MTHFD2L: variants seen among roughly 807,000 people sequenced by gnomAD.
MTHFD2L encodes the protein methylenetetrahydrofolate dehydrogenase (NADP+ dependent) 2 like.
Under a neutral mutation model 34.9 loss-of-function variants are expected in MTHFD2L, and 29 were observed. The observed-to-expected ratio is 0.83, with a 90% CI of 0.62 to 1.13. The LOEUF is 1.13. MTHFD2L is among the 50% of genes most tolerant of loss of function. MTHFD2L has a pLI of 0.00. For missense variants in MTHFD2L, 481 were observed against 446.5 expected (o/e 1.08, Z -0.70); for synonymous variants, 167 against 155.7 (o/e 1.07, Z -0.54).
intron 7 of MTHFD2L, among the ~76,000 whole-genome samples, chr4:74,299,957 T>C (rs1197381093): frequency 6.6e-6 from 1 of 152,056 alleles, no homozygotes; most frequent in Non-Finnish European, 1.5e-5. Context: ...TCATTGGCTT[T>C]CAGGAAATAA....
intron 1 of MTHFD2L, among the ~76,000 whole-genome samples, chr4:74,135,164 T>C (rs2109816754): frequency 6.6e-6 from 1 of 152,088 alleles, no homozygotes; most frequent in South Asian, 2.1e-4. Flanking sequence ...TATTTACTAA[T>C]CAAACTGTCA....
intron 6 of MTHFD2L, among the ~76,000 whole-genome samples, chr4:74,249,140 A>G (rs1201170649): frequency 2.0e-5 from 3 of 151,462 alleles, no homozygotes; most frequent in Non-Finnish European, 4.4e-5. Flanking sequence ...GTCACTCAGG[A>G]CTTGCTTTAT....
At position 74,218,618 on chromosome 4, in the gene MTHFD2L, C is replaced by T. The variant is rs549242735; in HGVS notation, c.713-6684C>T. On this transcript the variant is annotated intron_variant, in intron 5 of 7. Transcript: ENST00000325278. Reference sequence around the variant, plus strand: ...TCCTCATTAAGGTAATTTCAAGCCCCCCCCCCACCACCAAAAAAATGATAC... The same window carrying T: ...TCCTCATTAAGGTAATTTCAAGCCCTCCCCCCACCACCAAAAAAATGATAC... 5.0e-3 allele frequency among the ~76,000 whole-genome samples: 758 copies of T among 151,182 alleles called. 6 individuals are homozygous for T. Among genetic ancestry groups the T allele is most frequent in the East Asian group, 4.9e-3 (25 of 5,116 alleles).
At chr4:74,167,870 C>T (rs774923745) in intron 1 of MTHFD2L, among the ~76,000 whole-genome samples, 1 of 152,128 alleles carries the variant, frequency 6.6e-6, no homozygotes, top group Admixed American at 6.6e-5. Context: ...CCCAATTTCT[C>T]AGGTCAGAAA....
intron 6 of MTHFD2L, among the ~76,000 whole-genome samples, chr4:74,239,327 G>A (rs561725293): frequency 6.6e-6 from 1 of 152,058 alleles, no homozygotes; most frequent in African/African-American, 2.4e-5. Context: ...ACACCCCCAG[G>A]CCTGTCGTAG....
rs567082409 is a variant in MTHFD2L at position 74,158,150 on chromosome 4, G to C, written c.12G>C (p.Pro4=). 1.3e-6 allele frequency: 2 copies of C among 1,530,386 alleles called. No individual in the cohort carries two copies. The highest frequency in any genetic ancestry group is 1.4e-5 in the African/African-American group (1 of 72,758). 94.8% of individuals were successfully genotyped at this position (1,530,386 alleles called of 1,614,324 possible). The change falls in exon 1 of 8, where the codon CCG becomes CCC. Residue 4 remains proline (P), a synonymous_variant. Coordinates refer to ENST00000325278, the MANE Select transcript of MTHFD2L (RefSeq NM_001144978.3). Reference sequence around the variant, plus strand: ...GGGGATCCGCGGCCATGACGGTGCCGGTCCGCGGCTTCTCGCTGCTCCGCG... The same window carrying C: ...GGGGATCCGCGGCCATGACGGTGCCCGTCCGCGGCTTCTCGCTGCTCCGCG... MTV[P]VRGFSLLRGR... is the part of the protein sequence containing the mutation.
chr4:74,191,883 T>C (rs1732598578), intron 3 of MTHFD2L, among the ~76,000 whole-genome samples: 1 of 152,120 alleles, frequency 6.6e-6, no homozygotes, highest in Admixed American at 6.5e-5. Flanking sequence ...AGGAGGATGT[T>C]AGAGGATATG....
intron 7 of MTHFD2L, among the ~76,000 whole-genome samples, chr4:74,283,398 C>CTTA (rs560174894): frequency 1.7e-3 from 260 of 152,072 alleles, no homozygotes; most frequent in Non-Finnish European, 2.5e-3. Flanking sequence ...TGAAGTCTAA[C>CTTA]TTGTTAATGA....
chr4:74,186,961 T>A (rs522360), intron 3 of MTHFD2L, among the ~76,000 whole-genome samples: 151,172 of 152,280 alleles, frequency 0.99, 75,042 homozygotes, highest in Middle Eastern at 1. Flanking sequence ...AGATAGAAAA[T>A]CAGATCAATG....
chr4:74,200,022 C>T, intron 4 of MTHFD2L, 76 bp downstream of exon 4: 1 of 1,341,450 alleles, frequency 7.5e-7, no homozygotes, highest in Non-Finnish European at 1.1e-6. Flanking sequence ...CTTGATGGGA[C>T]TACCTCAGTC....
At chr4:74,170,900 T>C (rs1210321939) in intron 1 of MTHFD2L, among the ~76,000 whole-genome samples, 3 of 145,872 alleles carry the variant, frequency 2.1e-5, no homozygotes, top group Non-Finnish European at 4.5e-5. Flanking sequence ...ACACTGCATG[T>C]TCTCACTCAT....
chr4:74,282,322 T>C (rs1747603089), intron 7 of MTHFD2L, among the ~76,000 whole-genome samples: 1 of 152,130 alleles, frequency 6.6e-6, no homozygotes, highest in Admixed American at 6.6e-5. Context: ...GACATTTTTA[T>C]GTTAGAAATA....
chr4:74,125,385 G>T (rs1721998387), upstream of MTHFD2L: 1 of 152,118 alleles, frequency 6.6e-6, no homozygotes, highest in African/African-American at 2.4e-5. Flanking sequence ...CAACTGCAAA[G>T]GGATATCTAA....
chr4:74,201,287 T>G lies in MTHFD2L; in HGVS notation c.629T>G (p.Val210Gly), dbSNP rs148832175. The G allele has an allele frequency of 2.0e-5, 33 of 1,613,460 alleles. No homozygotes were observed. The African/African-American group carries it at 3.9e-4, about 19-fold the overall frequency. ...RTGIQTFGKN[V>G]VVAGRSKNVG... ...GGAATTCAAACATTTGGAAAAAATG[T>G]GGTTGTGGCTGGAAGATCCAAGAAC... The change falls in exon 5 of 8, where the codon GTG becomes GGG. Residue 210 changes from valine (V) to glycine (G), a missense_variant. Physicochemically the swap from Val to Gly is moderately radical, Grantham distance 109. Coordinates refer to ENST00000325278, the MANE Select transcript of MTHFD2L (RefSeq NM_001144978.3).
chr4:74,180,101 A>G (rs1271243874), intron 3 of MTHFD2L, among the ~76,000 whole-genome samples: 1 of 152,098 alleles, frequency 6.6e-6, no homozygotes, highest in Admixed American at 6.6e-5. Context: ...TTTACTATGA[A>G]AAAACTGGCA....
chr4:74,210,913 G>A lies in MTHFD2L; in HGVS notation c.712+9543G>A, dbSNP rs537800631. ...GAAGAGGTCCTTCATATCCCTTTAAGTTGTATTCCTAGGTATTTTATTCTC... is the reference window on the plus strand; with the variant it reads ...GAAGAGGTCCTTCATATCCCTTTAAATTGTATTCCTAGGTATTTTATTCTC... On this transcript the variant is annotated intron_variant, in intron 5 of 7. Coordinates refer to ENST00000325278, the MANE Select transcript of MTHFD2L (RefSeq NM_001144978.3). Among the ~76,000 whole-genome samples the A allele has an allele frequency of 2.0e-5, 3 of 152,194 alleles. No individual in the cohort carries two copies. In the South Asian group the frequency reaches 6.2e-4, roughly 32 times the overall value.
intron 6 of MTHFD2L, among the ~76,000 whole-genome samples, chr4:74,261,654 A>T (rs1311217778): frequency 6.6e-6 from 1 of 152,104 alleles, no homozygotes; most frequent in East Asian, 1.9e-4. Flanking sequence ...ATATGTCATG[A>T]TTTATTTGAA....
intron 1 of MTHFD2L, among the ~76,000 whole-genome samples, chr4:74,152,612 C>A (rs1305726090): frequency 2.0e-5 from 3 of 151,970 alleles, no homozygotes; most frequent in Non-Finnish European, 4.4e-5. Flanking sequence ...CACCTATCAA[C>A]CCATCATCTA....
At chr4:74,298,741 CTTTTTTCCA>C (rs922670862) in intron 7 of MTHFD2L, among the ~76,000 whole-genome samples, 3 of 149,992 alleles carry the variant, frequency 2.0e-5, no homozygotes, top group Non-Finnish European at 3.0e-5. Context: ...CTCTTCATTT[CTTTTTTCCA>C]GAATATCCTG....
Sources: allele counts gnomAD v4.1 joint callset (sites outside exome capture counted in the v4.1 genomes callset), GRCh38; gene constraint gnomAD v4.1.1; transcripts MANE v1.5; gene names NCBI Gene and HGNC (gene_info 2026-07-23, HGNC 2026-07-21).